The following CPED1 variants were observed in gnomAD, a reference collection of about 807,000 sequenced individuals.
CPED1 encodes the protein cadherin-like and PC-esterase domain-containing protein 1.
CPED1 carries 114 observed loss-of-function variants against 128.2 expected under a neutral mutation model. The observed-to-expected ratio is 0.89, with a 90% CI of 0.76 to 1.04. The LOEUF is 1.04. Ranked by LOEUF, CPED1 falls within the 50% of genes least tolerant of loss-of-function variation. The pLI is 0.00. For synonymous variants in CPED1, 462 were observed against 426.7 expected, an observed-to-expected ratio of 1.08 and a Z score of -1.02; for missense variants, 1,211 against 1,207.1, an observed-to-expected ratio of 1.00 and a Z score of -0.05.
At chr7:121,149,414 G>A (rs1796100311) in intron 16 of CPED1, 1 of 152,186 alleles carries the variant, frequency 6.6e-6, no homozygotes. Flanking sequence ...TGATGAAAAA[G>A]AGTCATGTTG....
chr7:121,178,682 G>A (rs1020517343), intron 16 of CPED1, among the ~76,000 whole-genome samples: 1 of 152,072 alleles, frequency 6.6e-6, no homozygotes, highest in Non-Finnish European at 1.5e-5. Flanking sequence ...CATGATGGAA[G>A]CATTTGAACT....
intron 16 of CPED1, among the ~76,000 whole-genome samples, chr7:121,178,642 G>A (rs1358935050): frequency 1.3e-5 from 2 of 152,076 alleles, no homozygotes; most frequent in Non-Finnish European, 2.9e-5. Context: ...GGAATGGAAT[G>A]CCAGGAGTGA....
At chr7:121,136,739 C>T (rs978960297) in intron 14 of CPED1, among the ~76,000 whole-genome samples, 2 of 151,946 alleles carry the variant, frequency 1.3e-5, no homozygotes, top group South Asian at 4.2e-4. Flanking sequence ...ATTCTCTGTT[C>T]AAAGCTCCTG....
chr7:121,127,439 TGTAA>T (rs1795531684), intron 10 of CPED1, among the ~76,000 whole-genome samples, 182 bp downstream of exon 10: 1 of 152,150 alleles, frequency 6.6e-6, no homozygotes. Context: ...CAACTAAGTA[TGTAA>T]GTGACTGATT....
At chr7:121,232,372 G>A (rs1335710049) in intron 16 of CPED1, among the ~76,000 whole-genome samples, 1 of 152,024 alleles carries the variant, frequency 6.6e-6, no homozygotes, top group African/African-American at 2.4e-5. Context: ...GAGATGAATA[G>A]CATGCCTTGC....
intron 3 of CPED1, 22 bp downstream of exon 3, chr7:121,015,870 T>A: frequency 7.1e-7 from 1 of 1,410,744 alleles, no homozygotes; most frequent in African/African-American, 1.5e-5. Context: ...GAGAAGTAAC[T>A]GCCAAAGTCA....
intron 10 of CPED1, among the ~76,000 whole-genome samples, chr7:121,127,780 T>G (rs1563036637): frequency 1.3e-5 from 2 of 152,024 alleles, no homozygotes; most frequent in African/African-American, 2.4e-5. Flanking sequence ...GTGATCCGCC[T>G]GCCTCGGCCT....
intron 5 of CPED1, among the ~76,000 whole-genome samples, chr7:121,067,836 G>C (rs1282267311): frequency 6.6e-6 from 1 of 152,114 alleles, no homozygotes; most frequent in African/African-American, 2.4e-5. Context: ...TCTCATTGTG[G>C]TTTTGATTTG....
chr7:121,146,032 A>G (rs932182390), intron 16 of CPED1, among the ~76,000 whole-genome samples: 15 of 152,172 alleles, frequency 9.9e-5, no homozygotes, highest in Non-Finnish European at 1.5e-4. Context: ...CCATTATTAA[A>G]TTTTAAATAA....
At chr7:121,187,531 G>A (rs1797030699) in intron 16 of CPED1, among the ~76,000 whole-genome samples, 1 of 152,056 alleles carries the variant, frequency 6.6e-6, no homozygotes, top group Admixed American at 6.6e-5. Flanking sequence ...GGAGTGTTAG[G>A]TTTTGTGTTC....
intron 3 of CPED1, among the ~76,000 whole-genome samples, chr7:121,033,035 T>A (rs1376079590): frequency 2.0e-5 from 3 of 152,170 alleles, no homozygotes; most frequent in Non-Finnish European, 4.4e-5. Context: ...CTCATGAAAA[T>A]GTACCTTCCT....
chr7:121,008,318 A>G (rs1284444619), intron 2 of CPED1, among the ~76,000 whole-genome samples: 1 of 152,164 alleles, frequency 6.6e-6, no homozygotes, highest in Non-Finnish European at 1.5e-5. Flanking sequence ...CTAGCTACTT[A>G]ACAAGATAAT....
chr7:121,263,399 TCATTTTGTGCTTA>T (rs1039315719), intron 18 of CPED1, among the ~76,000 whole-genome samples: 1 of 152,106 alleles, frequency 6.6e-6, no homozygotes, highest in African/African-American at 2.4e-5. Context: ...TGGCATGCAT[TCATTTTGTGCTTA>T]CATTTTGTGC....
At chr7:120,993,906 G>A (rs1387127035) in intron 2 of CPED1, 1 of 275,070 alleles carries the variant, frequency 3.6e-6, no homozygotes, top group Non-Finnish European at 7.6e-6. Flanking sequence ...TGCAGGTTGA[G>A]TTTTTTGGCT....
chr7:120,997,846 C>T (rs1585007838), intron 2 of CPED1, among the ~76,000 whole-genome samples: 2 of 151,468 alleles, frequency 1.3e-5, no homozygotes. Context: ...CACTTGAACC[C>T]AGGAGGCAGA....
chr7:121,234,357 A>T (rs546751969), intron 16 of CPED1, among the ~76,000 whole-genome samples: 1 of 152,210 alleles, frequency 6.6e-6, no homozygotes, highest in Admixed American at 6.5e-5. Flanking sequence ...TTGCATGGGT[A>T]TATATATGCT....
chr7:121,230,185 C>A (rs556205097), intron 16 of CPED1, among the ~76,000 whole-genome samples: 73 of 151,850 alleles, frequency 4.8e-4, no homozygotes, highest in African/African-American at 1.5e-3. Context: ...AGACACAGAT[C>A]AAAATAGTAT....
intron 5 of CPED1, among the ~76,000 whole-genome samples, chr7:121,069,142 T>G (rs1793928608): frequency 1.3e-5 from 2 of 152,144 alleles, no homozygotes; most frequent in African/African-American, 2.4e-5. Context: ...TCAGAACAAA[T>G]GTGGTCAGTG....
chr7:121,056,123 A>T (rs2116011818), intron 4 of CPED1, among the ~76,000 whole-genome samples: 1 of 152,244 alleles, frequency 6.6e-6, no homozygotes, highest in Admixed American at 6.5e-5. Context: ...AAATCAGAAA[A>T]CAGTTTATAT....
Sources: gnomAD v4.1 joint callset for allele counts (sites outside exome capture counted in the v4.1 genomes callset) on GRCh38, gnomAD v4.1.1 for gene constraint, MANE v1.5 for transcripts, NCBI Gene and HGNC (gene_info 2026-07-23, HGNC 2026-07-21) for gene names.